The following KBTBD11 variants were observed in gnomAD, a reference collection of about 807,000 sequenced individuals.
KBTBD11 encodes the protein kelch repeat and BTB domain containing 11.
For synonymous variants in KBTBD11, 747 were observed against 499.0 expected, an observed-to-expected ratio of 1.50 and a Z score of -6.63; for missense variants, 1,390 against 1,001.8, an observed-to-expected ratio of 1.39 and a Z score of -5.23.
Position 2,002,795 on chromosome 8 carries a change from A to G in KBTBD11, c.1603A>G (p.Ser535Gly), listed in dbSNP as rs1414574093. 6.9e-7 allele frequency: 1 copy of G among 1,455,060 alleles called. No homozygotes were observed. The highest frequency in any genetic ancestry group is 2.9e-5 in the East Asian group (1 of 34,454). 90.1% of individuals were successfully genotyped at this position (1,455,060 alleles called of 1,614,324 possible). ...SRYHCLAKQW[S>G]PCVAPLRLPG... ...ATACCACTGCCTGGCCAAGCAGTGG[A>G]GCCCGTGCGTCGCGCCCCTGCGCCT... Residue 535 changes from serine to glycine, a missense_variant, in exon 2 of 2, where the codon AGC becomes GGC. Ser to Gly is a moderately conservative substitution (Grantham distance 56). Coordinates refer to ENST00000320248, the MANE Select transcript of KBTBD11 (RefSeq NM_014867.3). The surrounding 1 kb of genome is among the most constrained non-coding windows in gnomAD (Gnocchi z 4.1).
intron 1 of KBTBD11, chr8:1,976,599 C>T (rs1279549770): frequency 6.8e-6 from 1 of 146,866 alleles, no homozygotes; most frequent in Non-Finnish European, 1.5e-5. Context: ...AGGCTCAGTC[C>T]TAGGTGCTGG....
chr8:1,996,214 C>G (rs770570722), intron 1 of KBTBD11, among the ~76,000 whole-genome samples: 4 of 152,160 alleles, frequency 2.6e-5, no homozygotes, highest in Non-Finnish European at 4.4e-5. Context: ...TTCCCAGGGA[C>G]GCTGTGGTCT....
chr8:1,977,568 G>T (rs1422607753), intron 1 of KBTBD11, among the ~76,000 whole-genome samples: 3 of 152,072 alleles, frequency 2.0e-5, no homozygotes, highest in African/African-American at 4.8e-5. Context: ...CTGTCATCCA[G>T]GCTGGAATCC....
In KBTBD11 at chr8:2,001,635, G is replaced by C. The variant is rs1274897637; in HGVS notation, c.443G>C (p.Gly148Ala). The stretch of plus-strand genomic sequence containing the variant: ...CCGGACCTGGTGCTGGAGGTGTCGG[G>C]GCGCCGGCTGCGCGCGCACAAGGCG... ...GEPDLVLEVSGRRLRAHKAVL... is the reference protein window; with the variant it reads ...GEPDLVLEVSARRLRAHKAVL... Residue 148 changes from glycine to alanine, a missense_variant, in exon 2 of 2, where the codon GGG becomes GCG. Transcript: ENST00000320248. The C allele has an allele frequency of 8.8e-6, 13 of 1,479,334 alleles. No homozygotes were observed. The highest frequency in any genetic ancestry group is 1.2e-5 in the Non-Finnish European group (13 of 1,120,658). 91.6% of individuals were successfully genotyped at this position (1,479,334 alleles called of 1,614,324 possible).
At chr8:1,996,699 T>C (rs1817154741) in intron 1 of KBTBD11, among the ~76,000 whole-genome samples, 1 of 152,226 alleles carries the variant, frequency 6.6e-6, no homozygotes, top group East Asian at 1.9e-4. Context: ...AGCAGTATTA[T>C]TAAAATAGAG....
At chr8:1,983,536 C>T (rs879655941) in intron 1 of KBTBD11, among the ~76,000 whole-genome samples, 1 of 152,190 alleles carries the variant, frequency 6.6e-6, no homozygotes, top group African/African-American at 2.4e-5. Context: ...CCTCATGATG[C>T]ATCTTTTCTG....
At chr8:1,981,589 T>C (rs1010345299) in intron 1 of KBTBD11, among the ~76,000 whole-genome samples, 1 of 152,192 alleles carries the variant, frequency 6.6e-6, no homozygotes, top group African/African-American at 2.4e-5. Context: ...CTGGAAGAGA[T>C]TGGCATTTGA....
chr8:1,984,142 AAG>A (rs1343113838), intron 1 of KBTBD11, among the ~76,000 whole-genome samples: 33 of 152,146 alleles, frequency 2.2e-4, no homozygotes, highest in Non-Finnish European at 4.7e-4. Context: ...AAAATAAAAA[AAG>A]AGTCACACGT....
chr8:1,995,653 T>C (rs569045600), intron 1 of KBTBD11, among the ~76,000 whole-genome samples: 1 of 152,210 alleles, frequency 6.6e-6, no homozygotes, highest in South Asian at 2.1e-4. Flanking sequence ...CCTGTTTTCA[T>C]TTGGGCCTGG....
At chr8:1,990,299 C>G (rs893404440) in intron 1 of KBTBD11, among the ~76,000 whole-genome samples, 20 of 146,388 alleles carry the variant, frequency 1.4e-4, no homozygotes, top group African/African-American at 5.1e-4. Context: ...CCTTGGTGCC[C>G]TGTCCGGGTG....
rs903243232 is a variant in KBTBD11 at position 2,004,992 on chromosome 8, G to C, written c.*1928G>C. On this transcript the variant is annotated 3_prime_UTR_variant, in exon 2 of 2. Transcript: ENST00000320248. ...ATCAAACTCATATGCTGTTATCACT[G>C]TGATTTTACTTGTGAAATCATTCCT... is the stretch of plus-strand genomic sequence containing the variant. 3 of 167,024 alleles carry C rather than the reference G, an allele frequency of 1.8e-5. No homozygotes were observed. The highest frequency in any genetic ancestry group is 7.2e-5 in the African/African-American group (3 of 41,418). The allele number at this position is 167,024 out of a possible 1,614,324, so 10.3% of individuals were successfully genotyped here.
chr8:1,982,194 C>T (rs890638681), intron 1 of KBTBD11, among the ~76,000 whole-genome samples: 4 of 152,216 alleles, frequency 2.6e-5, no homozygotes, highest in African/African-American at 4.8e-5. Flanking sequence ...TAGACTGTTA[C>T]AACTATAAGG....
intron 1 of KBTBD11, among the ~76,000 whole-genome samples, chr8:1,987,204 T>C (rs1816734460): frequency 6.6e-6 from 1 of 152,046 alleles, no homozygotes; most frequent in South Asian, 2.1e-4. Context: ...ATAAAAGACA[T>C]AGGTGTTTTT....
At chr8:1,983,606 T>C (rs1371054786) in intron 1 of KBTBD11, among the ~76,000 whole-genome samples, 1 of 152,236 alleles carries the variant, frequency 6.6e-6, no homozygotes, top group Admixed American at 6.5e-5. Flanking sequence ...CTGATGACTT[T>C]TCACACTGTC....
At chr8:1,993,407 A>G (rs939555006) in intron 1 of KBTBD11, among the ~76,000 whole-genome samples, 25 of 93,138 alleles carry the variant, frequency 2.7e-4, no homozygotes, top group South Asian at 1.6e-3. Flanking sequence ...CCATCCATCC[A>G]TCCATCCATC....
intron 1 of KBTBD11, among the ~76,000 whole-genome samples, chr8:1,988,297 G>T (rs1268291696): frequency 3.3e-5 from 5 of 152,168 alleles, no homozygotes; most frequent in Non-Finnish European, 7.3e-5. Flanking sequence ...GATCCCTGAG[G>T]AATCGCCAAA....
rs1189729499 is a variant in KBTBD11 at position 1,974,345 on chromosome 8, A to G, written c.-909+410A>G. 1.1e-4 allele frequency: 105 copies of G among 983,922 alleles called. No homozygotes were observed. The East Asian group carries it at 3.6e-3, about 33-fold the overall frequency. 60.9% of individuals were successfully genotyped at this position (983,922 alleles called of 1,614,324 possible). On this transcript the variant is annotated intron_variant, in intron 1 of 1. Transcript: ENST00000320248. ...GCGCCCGCAGTCACCGCCCCCGCCG[A>G]GGGTCCCGCCGCCCCAGCCGGCACG...
At chr8:1,993,387 G>A (rs144892596) in intron 1 of KBTBD11, among the ~76,000 whole-genome samples, 4,208 of 103,932 alleles carry the variant, frequency 0.04, 253 homozygotes, top group African/African-American at 0.12. Context: ...CCGTCCGTCC[G>A]TCCGTCCATC....
chr8:1,974,427 G>T (rs1189496916), intron 1 of KBTBD11: 17 of 985,060 alleles, frequency 1.7e-5, no homozygotes, highest in South Asian at 4.7e-5. Context: ...GGCTCCTCCC[G>T]GGGTTGCTCC....
Sources: allele counts gnomAD v4.1 joint callset (sites outside exome capture counted in the v4.1 genomes callset), GRCh38; gene constraint gnomAD v4.1.1; non-coding constraint Gnocchi (gnomAD v3.1); transcripts MANE v1.5; gene names NCBI Gene and HGNC (gene_info 2026-07-23, HGNC 2026-07-21).